Variants in CYP2E1 observed in about 807,000 individuals in gnomAD.
CYP2E1 encodes cytochrome P450 2E1.
Under a neutral mutation model 42.9 loss-of-function variants are expected in CYP2E1, and 31 were observed. The observed-to-expected ratio is 0.72, with a 90% CI of 0.54 to 0.98. The LOEUF (loss-of-function observed/expected upper bound fraction) is 0.98. CYP2E1 is among the 50% of genes least tolerant of loss of function. CYP2E1 has a pLI of 0.00. For missense variants in CYP2E1, 565 were observed against 633.2 expected (o/e 0.89, Z 1.16); for synonymous variants, 244 against 248.9 (o/e 0.98, Z 0.19).
At position 133,533,743 on chromosome 10, in the gene CYP2E1, T is replaced by C; in HGVS notation, c.826-13T>C. 6.2e-7 allele frequency: 1 copy of C among 1,613,674 alleles called. No individual in the cohort carries two copies. The highest frequency in any genetic ancestry group is 8.5e-7 in the Non-Finnish European group (1 of 1,179,822). ...GCAGCCCCTTCTCCTCCGGTCTGTC[T>C]CCGGTATCACAGGAAAAGCACAGTG... On this transcript the variant is annotated splice_polypyrimidine_tract_variant and intron_variant, in intron 5 of 8. Transcript: ENST00000252945.
chr10:133,528,747 T>G, intron 2 of CYP2E1, 107 bp downstream of exon 2: 1 of 1,351,056 alleles, frequency 7.4e-7, no homozygotes, highest in South Asian at 1.3e-5. Context: ...AACAGTAATA[T>G]TATAGTAACA....
chr10:133,537,998 A>G (rs577784549), intron 8 of CYP2E1, 106 bp downstream of exon 8: 11 of 1,111,844 alleles, frequency 9.9e-6, no homozygotes, highest in East Asian at 9.7e-5. Context: ...TGACACCCCA[A>G]ACCTCACTGT....
chr10:133,532,089 C>A (rs776876434), intron 3 of CYP2E1, 35 bp from the exon 4 acceptor site: 17 of 1,602,136 alleles, frequency 1.1e-5, no homozygotes, highest in Admixed American at 1.7e-5. Context: ...CTCCTCACCC[C>A]CATCTTCTGG....
At position 133,532,836 on chromosome 10, in the gene CYP2E1, C is replaced by T. The variant is rs776997036; in HGVS notation, c.793C>T (p.Leu265Phe). Residue 265 changes from leucine to phenylalanine, a missense_variant, in exon 5 of 9, where the codon CTC becomes TTC. Physicochemically the swap from Leu to Phe is conservative, Grantham distance 22. Transcript: ENST00000252945. ...TCTGGACCCCAACTGTCCCCGGGAC[C>T]TCACCGACTGCCTGCTCGTGGAAAT... ...QSLDPNCPRDLTDCLLVEMEK... is the reference protein window; with the variant it reads ...QSLDPNCPRDFTDCLLVEMEK... 1.9e-6 allele frequency: 3 copies of T among 1,610,452 alleles called. No homozygotes were observed. The South Asian group carries it at 3.3e-5, about 18-fold the overall frequency.
At chr10:133,528,068 C>A in intron 1 of CYP2E1, 1 of 230,722 alleles carries the variant, frequency 4.3e-6, no homozygotes, top group South Asian at 8.3e-5. Context: ...CTTGCGCGTG[C>A]GCTCTGTGGG....
intron 2 of CYP2E1, among the ~76,000 whole-genome samples, chr10:133,529,800 CG>C (rs1408688709): frequency 6.6e-6 from 1 of 152,212 alleles, no homozygotes; most frequent in African/African-American, 2.4e-5. Flanking sequence ...TCTCCGGAAG[CG>C]GGCAACGGGG....
chr10:133,532,035 A>G (rs1851344241), intron 3 of CYP2E1, 89 bp from the exon 4 acceptor site: 1 of 1,260,282 alleles, frequency 7.9e-7, no homozygotes. Context: ...ACCTTCTCAC[A>G]GGCCTTGGTG....
intron 7 of CYP2E1, 72 bp downstream of exon 7, chr10:133,537,322 A>C (rs1457637972): frequency 1.3e-6 from 2 of 1,533,320 alleles, no homozygotes; most frequent in Non-Finnish European, 1.8e-6. Context: ...GCCAGGGAGC[A>C]GGATGGGGGC....
At position 133,532,675 on chromosome 10, in the gene CYP2E1, T is replaced by G; in HGVS notation, c.649-17T>G. 6.4e-7 allele frequency: 1 copy of G among 1,554,858 alleles called. No individual in the cohort carries two copies. The highest frequency in any genetic ancestry group is 1.4e-5 in the African/African-American group (1 of 72,430). ...GCATCCAGAAAAAAGTAGTAAAATA[T>G]TTTTTTCCCTCTCTAGCTTTACAAT... is the stretch of plus-strand genomic sequence containing the variant. On this transcript the variant is annotated splice_polypyrimidine_tract_variant and intron_variant, in intron 4 of 8. Coordinates refer to ENST00000252945, the MANE Select transcript of CYP2E1 (RefSeq NM_000773.4).
At position 133,532,721 on chromosome 10, in the gene CYP2E1, C is replaced by A. The variant is rs913681430; in HGVS notation, c.678C>A (p.His226Gln). Reference sequence around the variant, plus strand: ...ACAATAATTTTCCCAGCTTTCTACACTACTTGCCTGGAAGCCACAGAAAAG... The same window carrying A: ...ACAATAATTTTCCCAGCTTTCTACAATACTTGCCTGGAAGCCACAGAAAAG... ...QLYNNFPSFL[H>Q]YLPGSHRKVI... The change falls in exon 5 of 9, where the codon CAC becomes CAA. Residue 226 changes from histidine (H) to glutamine (Q), a missense_variant. Coordinates refer to ENST00000252945, the MANE Select transcript of CYP2E1 (RefSeq NM_000773.4). 6.2e-7 allele frequency: 1 copy of A among 1,608,458 alleles called. No homozygotes were observed. The highest frequency in any genetic ancestry group is 8.5e-7 in the Non-Finnish European group (1 of 1,178,538).
chr10:133,538,235 T>C (rs888860028), intron 8 of CYP2E1, among the ~76,000 whole-genome samples: 1 of 152,174 alleles, frequency 6.6e-6, no homozygotes, highest in African/African-American at 2.4e-5. Flanking sequence ...TCCCTAATTT[T>C]AAACCAGAGC....
chr10:133,532,087 C>T (rs1313271615), intron 3 of CYP2E1, 37 bp from the exon 4 acceptor site: 1 of 1,600,106 alleles, frequency 6.2e-7, no homozygotes, highest in South Asian at 1.1e-5. Flanking sequence ...GTCTCCTCAC[C>T]CCCATCTTCT....
At chr10:133,530,305 G>C (rs1308857228) in intron 2 of CYP2E1, among the ~76,000 whole-genome samples, 1 of 152,184 alleles carries the variant, frequency 6.6e-6, no homozygotes, top group African/African-American at 2.4e-5. Flanking sequence ...AACGGAGAAA[G>C]TTTGGTTCCC....
At position 133,538,866 on chromosome 10, in the gene CYP2E1, C is replaced by T. The variant is rs1589957781; in HGVS notation, c.1384C>T (p.Pro462Ser). ...CAILQHFNLK[P>S]LVDPKDIDLS... The stretch of plus-strand genomic sequence containing the variant: ...CATTTTGCAGCATTTTAATTTGAAG[C>T]CTCTCGTTGACCCAAAGGATATCGA... The change falls in exon 9 of 9, where the codon CCT becomes TCT. Residue 462 changes from proline to serine, a missense_variant. Coordinates refer to ENST00000252945, the MANE Select transcript of CYP2E1 (RefSeq NM_000773.4). 1 of 1,614,012 alleles carries T rather than the reference C, an allele frequency of 6.2e-7. No homozygotes were observed. Among genetic ancestry groups the T allele is most frequent in the Non-Finnish European group, 8.5e-7 (1 of 1,179,972 alleles).
chr10:133,531,859 G>A, intron 3 of CYP2E1, 125 bp downstream of exon 3: 1 of 1,027,932 alleles, frequency 9.7e-7, no homozygotes, highest in African/African-American at 1.6e-5. Flanking sequence ...GGTCTCGTGA[G>A]TCCCCAGATA....
chr10:133,529,251 G>A (rs746233430), intron 2 of CYP2E1, among the ~76,000 whole-genome samples: 8 of 152,244 alleles, frequency 5.3e-5, no homozygotes, highest in Non-Finnish European at 8.8e-5. Context: ...AAAGCGGCCT[G>A]TTCCCTCTCT....
At chr10:133,533,735 G>C (rs1224755868) in intron 5 of CYP2E1, 21 bp from the exon 6 acceptor site, 2 of 1,612,368 alleles carry the variant, frequency 1.2e-6, no homozygotes, top group Admixed American at 1.7e-5. Context: ...CTTCTCCTCC[G>C]GTCTGTCTCC....
intron 5 of CYP2E1, among the ~76,000 whole-genome samples, chr10:133,533,445 G>C (rs1851362144): frequency 6.6e-6 from 1 of 152,214 alleles, no homozygotes; most frequent in African/African-American, 2.4e-5. Flanking sequence ...AGCAGGAGGG[G>C]TTAGCAGGAG....
intron 4 of CYP2E1, 140 bp downstream of exon 4, chr10:133,532,424 C>G (rs1851349916): frequency 2.3e-6 from 2 of 868,138 alleles, no homozygotes; most frequent in Admixed American, 2.6e-5. Flanking sequence ...TTAGACAGCC[C>G]AAATATTCCT....
Sources: gnomAD v4.1 joint callset for allele counts (sites outside exome capture counted in the v4.1 genomes callset) on GRCh38, gnomAD v4.1.1 for gene constraint, MANE v1.5 for transcripts, NCBI Gene and HGNC (gene_info 2026-07-23, HGNC 2026-07-21) for gene names.